Variants in RALGPS2 observed in about 807,000 individuals in gnomAD.
RALGPS2 encodes Ral GEF with PH domain and SH3 binding motif 2, also known as ras-specific guanine nucleotide-releasing factor RalGPS2.
RALGPS2 carries 43 observed loss-of-function variants against 86.8 expected under a neutral mutation model. That is an observed-to-expected ratio of 0.50 (90% CI 0.39 to 0.64). The LOEUF (loss-of-function observed/expected upper bound fraction) is 0.64, where lower values mean the gene tolerates loss of function less well. Ranked by LOEUF, RALGPS2 falls within the 30% of genes least tolerant of loss-of-function variation. The pLI is 0.00. For synonymous variants in RALGPS2, 243 were observed against 231.3 expected, an observed-to-expected ratio of 1.05 and a Z score of -0.46; for missense variants, 536 against 694.6, an observed-to-expected ratio of 0.77 and a Z score of 2.57.
At chr1:178,807,982 C>T in intron 4 of RALGPS2, 63 bp from the exon 5 acceptor site, 1 of 999,946 alleles carries the variant, frequency 1.0e-6, no homozygotes, top group Non-Finnish European at 1.6e-6. Context: ...GTTTTGAAAG[C>T]CTTAATCTGG....
intron 8 of RALGPS2, among the ~76,000 whole-genome samples, chr1:178,872,786 G>A (rs368083805): frequency 1.3e-5 from 2 of 152,262 alleles, no homozygotes; most frequent in African/African-American, 4.8e-5. Context: ...CACTAGCCAG[G>A]GTAGGAAATT....
At chr1:178,732,678 T>C (rs900938151) in intron 1 of RALGPS2, among the ~76,000 whole-genome samples, 1 of 152,154 alleles carries the variant, frequency 6.6e-6, no homozygotes, top group African/African-American at 2.4e-5. Context: ...GATAAATAAC[T>C]TAAGACTTTT....
chr1:178,725,846 A>G (rs1054339145), intron 1 of RALGPS2: 2 of 152,292 alleles, frequency 1.3e-5, no homozygotes, highest in African/African-American at 4.8e-5. Flanking sequence ...AGCCAGGACC[A>G]GCAGAAGCCG....
chr1:178,878,792 A>G (rs929485460), intron 9 of RALGPS2, 110 bp from the exon 10 acceptor site: 31 of 1,432,186 alleles, frequency 2.2e-5, no homozygotes, highest in Non-Finnish European at 2.7e-5. Context: ...GTTAATTTAA[A>G]TTTTGCTGCC....
At chr1:178,772,906 A>T (rs1282561700) in intron 1 of RALGPS2, among the ~76,000 whole-genome samples, 1 of 152,100 alleles carries the variant, frequency 6.6e-6, no homozygotes, top group African/African-American at 2.4e-5. Flanking sequence ...GGTTCAAGCG[A>T]TTCTCCTACC....
chr1:178,804,434 C>T (rs1365330718), intron 4 of RALGPS2, among the ~76,000 whole-genome samples: 1 of 116,880 alleles, frequency 8.6e-6, no homozygotes, highest in Non-Finnish European at 1.8e-5. Flanking sequence ...CCCCTCCCCC[C>T]ACCCCACAAC....
chr1:178,729,485 C>CT (rs536746766), intron 1 of RALGPS2, among the ~76,000 whole-genome samples: 112 of 151,988 alleles, frequency 7.4e-4, no homozygotes, highest in South Asian at 7.1e-3. Flanking sequence ...GGTTTTGTTC[C>CT]TTTTTTAAAA....
chr1:178,828,550 G>A (rs866655606), intron 7 of RALGPS2, among the ~76,000 whole-genome samples: 35 of 152,192 alleles, frequency 2.3e-4, no homozygotes, highest in African/African-American at 6.8e-4. Flanking sequence ...GCACATGACT[G>A]TATAAGGAAC....
intron 7 of RALGPS2, among the ~76,000 whole-genome samples, chr1:178,827,657 A>G (rs1178625246): frequency 2.0e-5 from 3 of 152,124 alleles, no homozygotes; most frequent in South Asian, 4.2e-4. Context: ...GGCCTCCCAA[A>G]GTGCTGGGAT....
At position 178,890,789 on chromosome 1, in the gene RALGPS2, C is replaced by T. The variant is rs185877659; in HGVS notation, c.1247+1093C>T. Among the ~76,000 whole-genome samples the T allele has an allele frequency of 5.9e-5, 9 of 151,838 alleles. No individual in the cohort carries two copies. In the South Asian group the frequency reaches 1.5e-3, roughly 25 times the overall value. On this transcript the variant is annotated intron_variant, in intron 14 of 19. Coordinates refer to ENST00000367635, the MANE Select transcript of RALGPS2 (RefSeq NM_152663.5). Reference sequence around the variant, plus strand: ...CCCAACTTTTGTTCTCTTTGTTTTGCGGGATAATAATAAGTAAAAACAAAT... The same window carrying T: ...CCCAACTTTTGTTCTCTTTGTTTTGTGGGATAATAATAAGTAAAAACAAAT...
rs1247297070 is a variant in RALGPS2, at chr1:178,920,303, T to A, written c.*3944T>A. 2 of 152,006 alleles carry A rather than the reference T, an allele frequency of 1.3e-5. No individual in the cohort carries two copies. The highest frequency in any genetic ancestry group is 1.3e-4 in the Admixed American group (2 of 15,240). The allele number at this position is 152,006 out of a possible 1,614,324, so 9.4% of individuals were successfully genotyped here. A position where few individuals can be genotyped will look rare whatever the true frequency, so the allele number is the denominator to read the frequency against. On this transcript the variant is annotated 3_prime_UTR_variant, in exon 20 of 20. Transcript: ENST00000367635. ...ATGAAAGAGATCCAGGCATAAAAAC[T>A]CTTTTGCTTATTGAAAGCAATTTGA...
chr1:178,772,090 G>A (rs1456582796), intron 1 of RALGPS2, among the ~76,000 whole-genome samples: 1 of 152,180 alleles, frequency 6.6e-6, no homozygotes, highest in Non-Finnish European at 1.5e-5. Context: ...CTGTTCTGCT[G>A]TTCCACACTA....
Position 178,784,367 on chromosome 1 carries a change from C to T in RALGPS2, c.58-51C>T, listed in dbSNP as rs752548867. 4 of 1,422,486 alleles carry T rather than the reference C, an allele frequency of 2.8e-6. No individual in the cohort carries two copies. In the South Asian group the frequency reaches 5.4e-5, roughly 19 times the overall value. The allele number at this position is 1,422,486 out of a possible 1,614,324, so 88.1% of individuals were successfully genotyped here. A position where few individuals can be genotyped will look rare whatever the true frequency, so the allele number is the denominator to read the frequency against. On this transcript the variant is annotated intron_variant, in intron 2 of 19. Transcript: ENST00000367635. ...TTTAAGGCCAATCTAGTTTCTATCA[C>T]TTGATTGTGAGACAGTATGTAAAAG...
chr1:178,764,089 T>C (rs764932664), intron 1 of RALGPS2, among the ~76,000 whole-genome samples: 16 of 152,182 alleles, frequency 1.1e-4, no homozygotes, highest in Non-Finnish European at 2.1e-4. Context: ...TATTATTGTG[T>C]GTTTGTCTGT....
intron 5 of RALGPS2, 42 bp from the exon 6 acceptor site, chr1:178,811,273 T>G: frequency 1.4e-6 from 2 of 1,429,736 alleles, no homozygotes; most frequent in Non-Finnish European, 1.9e-6. Context: ...AACTTACAAA[T>G]TAAAAATCAT....
chr1:178,903,014 T>G (rs1355166870), intron 18 of RALGPS2, among the ~76,000 whole-genome samples: 3 of 152,138 alleles, frequency 2.0e-5, no homozygotes, highest in Non-Finnish European at 4.4e-5. Flanking sequence ...CTTCTTACTC[T>G]ACCTGTGACT....
intron 1 of RALGPS2, chr1:178,747,519 C>T: frequency 6.2e-7 from 1 of 1,611,668 alleles, no homozygotes; most frequent in Non-Finnish European, 8.5e-7. Context: ...TTCAGCATGA[C>T]AACTGCTTTG....
chr1:178,740,451 C>G (rs965935984), intron 1 of RALGPS2, among the ~76,000 whole-genome samples: 5 of 152,248 alleles, frequency 3.3e-5, no homozygotes, highest in Admixed American at 1.3e-4. Flanking sequence ...TTATAGAAAA[C>G]ATGGAGTTAA....
At chr1:178,873,711 A>C (rs1658871113) in intron 8 of RALGPS2, among the ~76,000 whole-genome samples, 2 of 152,202 alleles carry the variant, frequency 1.3e-5, no homozygotes, top group African/African-American at 4.8e-5. Flanking sequence ...AAGTCTATCA[A>C]ATAAAATGGA....
Sources: allele counts gnomAD v4.1 joint callset (sites outside exome capture counted in the v4.1 genomes callset), GRCh38; gene constraint gnomAD v4.1.1; transcripts MANE v1.5; gene names NCBI Gene and HGNC (gene_info 2026-07-23, HGNC 2026-07-21).